AQP9: variants seen among roughly 807,000 people sequenced by gnomAD.
AQP9 encodes aquaporin-9.
AQP9 carries 19 observed loss-of-function variants against 23.8 expected under a neutral mutation model. That is an observed-to-expected ratio of 0.80 (90% CI 0.56 to 1.17). The LOEUF (loss-of-function observed/expected upper bound fraction) is 1.17, where lower values mean the gene tolerates loss of function less well. AQP9 is among the 50% of genes most tolerant of loss of function. The pLI is 0.00. For synonymous variants in AQP9, 153 were observed against 131.5 expected (o/e 1.16, Z -1.12); for missense variants, 413 against 362.0 (o/e 1.14, Z -1.14).
intron 1 of AQP9, among the ~76,000 whole-genome samples, chr15:58,157,875 G>A (rs1327316891): frequency 6.6e-6 from 1 of 152,132 alleles, no homozygotes; most frequent in African/African-American, 2.4e-5. Context: ...GAGAAAGGAA[G>A]GGAAATTGGA....
At chr15:58,165,738 CT>C (rs1333351759) in intron 1 of AQP9, among the ~76,000 whole-genome samples, 1 of 152,002 alleles carries the variant, frequency 6.6e-6, no homozygotes, top group Non-Finnish European at 1.5e-5. Flanking sequence ...TATTGCAAAC[CT>C]TTCTCAATAT....
intron 5 of AQP9, among the ~76,000 whole-genome samples, chr15:58,181,560 A>G (rs139032650): frequency 4.0e-4 from 61 of 152,324 alleles, no homozygotes; most frequent in African/African-American, 1.4e-3. Flanking sequence ...CAAAGACACA[A>G]TGTTAAAATC....
rs775221036 is a variant in AQP9 at position 58,138,545 on chromosome 15, A to T, written c.-21A>T. 8 of 1,599,154 alleles carry T rather than the reference A, an allele frequency of 5.0e-6. No individual in the cohort carries two copies. In the African/African-American group the frequency reaches 8.1e-5, roughly 16 times the overall value. On this transcript the variant is annotated 5_prime_UTR_variant, in exon 1 of 6. Transcript: ENST00000219919. ...ACAGGTAGGTATTGGTAGAAACAGGAGTCCTCAGAGAAGCCCCAAGATGCA... is the reference window on the plus strand; with the variant it reads ...ACAGGTAGGTATTGGTAGAAACAGGTGTCCTCAGAGAAGCCCCAAGATGCA...
chr15:58,160,986 A>G (rs1898367738), intron 1 of AQP9, among the ~76,000 whole-genome samples: 1 of 152,208 alleles, frequency 6.6e-6, no homozygotes, highest in African/African-American at 2.4e-5. Context: ...TCTGTGCTAA[A>G]GAATACTGGA....
At chr15:58,151,202 C>T (rs1241926364) in intron 1 of AQP9, 2 of 152,158 alleles carry the variant, frequency 1.3e-5, no homozygotes, top group Admixed American at 6.6e-5. Flanking sequence ...ACTCTAGCAT[C>T]CCTAATCCCA....
At chr15:58,149,443 G>A (rs888646696) in intron 1 of AQP9, among the ~76,000 whole-genome samples, 17 of 152,172 alleles carry the variant, frequency 1.1e-4, no homozygotes, top group African/African-American at 3.9e-4. Flanking sequence ...CCACTTATGG[G>A]AATGTGAGAG....
chr15:58,142,533 A>G (rs139226309), intron 1 of AQP9, among the ~76,000 whole-genome samples: 12 of 152,354 alleles, frequency 7.9e-5, no homozygotes, highest in East Asian at 5.8e-4. Context: ...CTACAAACAC[A>G]TTCAAACCTC....
At chr15:58,140,351 G>C (rs1400204105) in intron 1 of AQP9, among the ~76,000 whole-genome samples, 1 of 152,104 alleles carries the variant, frequency 6.6e-6, no homozygotes. Context: ...CACTATGCAA[G>C]GTAGGGGCTA....
At chr15:58,147,900 A>ACAC (rs1421437675) in intron 1 of AQP9, among the ~76,000 whole-genome samples, 1 of 151,988 alleles carries the variant, frequency 6.6e-6, no homozygotes, top group Non-Finnish European at 1.5e-5. Context: ...GCACACACAC[A>ACAC]CACACACATA....
At chr15:58,161,424 C>T (rs928103092) in intron 1 of AQP9, among the ~76,000 whole-genome samples, 4 of 152,118 alleles carry the variant, frequency 2.6e-5, no homozygotes, top group Middle Eastern at 3.2e-3. Flanking sequence ...TATTTTCTAG[C>T]ATTGCTTTCC....
chr15:58,166,935 A>G lies in AQP9; in HGVS notation c.238+136A>G, dbSNP rs915352946. ...AGAGTGTGTATTGGATCCCATTTTT[A>G]TAGATAAAATTAAAATCACCAACCA... is the stretch of plus-strand genomic sequence containing the variant. On this transcript the variant is annotated intron_variant, in intron 2 of 5. Transcript: ENST00000219919. 3.9e-5 allele frequency: 46 copies of G among 1,182,426 alleles called. 1 individual carries two copies. The Admixed American group carries it at 4.5e-4, about 12-fold the overall frequency. The allele number at this position is 1,182,426 out of a possible 1,614,324, so 73.2% of individuals were successfully genotyped here.
intron 1 of AQP9, among the ~76,000 whole-genome samples, chr15:58,143,738 G>C (rs1184394543): frequency 6.6e-6 from 1 of 152,096 alleles, no homozygotes; most frequent in African/African-American, 2.4e-5. Flanking sequence ...ATGTATGACT[G>C]GTTTATGTAC....
chr15:58,163,818 G>A (rs1898440232), intron 1 of AQP9: 1 of 152,076 alleles, frequency 6.6e-6, no homozygotes, highest in South Asian at 2.1e-4. Flanking sequence ...CACACAGAAG[G>A]AGAGAACCAG....
At chr15:58,176,609 C>T (rs927695729) in intron 4 of AQP9, among the ~76,000 whole-genome samples, 7 of 133,358 alleles carry the variant, frequency 5.2e-5, no homozygotes, top group African/African-American at 1.9e-4. Flanking sequence ...TGGTGTTTTT[C>T]TCTAAGCTTT....
intron 1 of AQP9, chr15:58,155,571 G>A (rs545116173): frequency 8.5e-5 from 13 of 152,190 alleles, no homozygotes; most frequent in Admixed American, 7.9e-4. Context: ...CATGAAACAG[G>A]ATCTAATAAC....
intron 5 of AQP9, among the ~76,000 whole-genome samples, chr15:58,180,614 C>T (rs551411249): frequency 1.3e-5 from 2 of 152,294 alleles, no homozygotes; most frequent in South Asian, 4.1e-4. Context: ...GTCAACATTC[C>T]CTGTCCTCAA....
rs16939897 is a variant in AQP9 at position 58,185,818 on chromosome 15, G to A, written c.*1683G>A. 4 of 152,122 alleles carry A rather than the reference G, an allele frequency of 2.6e-5. No individual in the cohort carries two copies. The highest frequency in any genetic ancestry group is 2.1e-4 in the South Asian group (1 of 4,832). 9.4% of individuals were successfully genotyped at this position (152,122 alleles called of 1,614,324 possible). On this transcript the variant is annotated 3_prime_UTR_variant, in exon 6 of 6. Transcript: ENST00000219919. The stretch of plus-strand genomic sequence containing the variant: ...ATGTGAAATGTTTCTGATGACTTAT[G>A]TTCTACAATCTATGGACATACGGGA...
At chr15:58,179,493 G>C in intron 5 of AQP9, 148 bp downstream of exon 5, 1 of 626,114 alleles carries the variant, frequency 1.6e-6, no homozygotes, top group Non-Finnish European at 2.7e-6. Context: ...ACATTTCACT[G>C]GTATTTTGTG....
At chr15:58,162,837 C>G in intron 1 of AQP9, among the ~76,000 whole-genome samples, 1 of 152,312 alleles carries the variant, frequency 6.6e-6, no homozygotes, top group South Asian at 2.1e-4. Flanking sequence ...CTTTTCGAGC[C>G]ACTCCATTTG....
Sources: gnomAD v4.1 joint callset for allele counts (sites outside exome capture counted in the v4.1 genomes callset) on GRCh38, gnomAD v4.1.1 for gene constraint, MANE v1.5 for transcripts, NCBI Gene and HGNC (gene_info 2026-07-23, HGNC 2026-07-21) for gene names.